The following CSGALNACT1 variants were observed in gnomAD, a reference collection of about 807,000 sequenced individuals.
The protein encoded by CSGALNACT1 is chondroitin sulfate N-acetylgalactosaminyltransferase 1.
In CSGALNACT1, 52 loss-of-function variants were observed where a neutral mutation model predicts 51.0. The observed-to-expected ratio is 1.02, with a 90% CI of 0.82 to 1.29. The LOEUF is 1.29. Among genes scored for constraint, CSGALNACT1 ranks in the 50% most tolerant of loss-of-function variants. CSGALNACT1 has a pLI of 0.00. For synonymous variants in CSGALNACT1, 341 were observed against 254.4 expected (o/e 1.34, Z -3.24); for missense variants, 935 against 679.2 (o/e 1.38, Z -4.19).
chr8:19,435,644 G>C (rs369053622), intron 6 of CSGALNACT1, among the ~76,000 whole-genome samples: 9 of 152,164 alleles, frequency 5.9e-5, no homozygotes, highest in East Asian at 5.8e-4. Context: ...CACTGATTCA[G>C]GATTTCTGGG....
At chr8:19,441,155 G>A (rs373904863) in intron 5 of CSGALNACT1, among the ~76,000 whole-genome samples, 15 of 152,130 alleles carry the variant, frequency 9.9e-5, no homozygotes, top group African/African-American at 3.4e-4. Flanking sequence ...AAGGTAATTT[G>A]TAGATTCAAT....
intron 3 of CSGALNACT1, among the ~76,000 whole-genome samples, chr8:19,556,939 C>T (rs954954691): frequency 2.7e-5 from 4 of 150,774 alleles, no homozygotes; most frequent in Admixed American, 6.6e-5. Context: ...TATAAACAAA[C>T]CACACCACTG....
intron 8 of CSGALNACT1, among the ~76,000 whole-genome samples, chr8:19,410,699 C>T (rs1376228499): frequency 1.3e-5 from 2 of 152,224 alleles, no homozygotes; most frequent in Admixed American, 6.5e-5. Flanking sequence ...TGGAGGCAGT[C>T]TGGCTTATGA....
At chr8:19,482,891 A>G (rs949677071) in intron 4 of CSGALNACT1, among the ~76,000 whole-genome samples, 12 of 151,994 alleles carry the variant, frequency 7.9e-5, no homozygotes, top group African/African-American at 2.7e-4. Context: ...CACCCCTACA[A>G]CTAAGCTGAT....
intron 3 of CSGALNACT1, among the ~76,000 whole-genome samples, chr8:19,511,107 G>A (rs752894950): frequency 6.6e-6 from 1 of 152,268 alleles, no homozygotes; most frequent in Non-Finnish European, 1.5e-5. Context: ...GCAGCAGGCA[G>A]AAAGGACAGT....
At position 19,407,008 on chromosome 8, in the gene CSGALNACT1, C is replaced by T. The variant is rs538058611; in HGVS notation, c.1310-939G>A. Among the ~76,000 whole-genome samples, 9 of 152,274 alleles carry T rather than the reference C, an allele frequency of 5.9e-5. No homozygotes were observed. In the East Asian group the frequency reaches 1.2e-3, roughly 20 times the overall value. On this transcript the variant is annotated intron_variant, in intron 9 of 9. Transcript: ENST00000454498. ...ACAGGCATGAGCCACCACGCTCGGCCTAGAAAATTTTTAAATGTCCTTTTT... is the reference window on the plus strand; with the variant it reads ...ACAGGCATGAGCCACCACGCTCGGCTTAGAAAATTTTTAAATGTCCTTTTT...
chr8:19,753,154 A>G (rs2065146419), intron 1 of CSGALNACT1, among the ~76,000 whole-genome samples: 1 of 152,212 alleles, frequency 6.6e-6, no homozygotes. Flanking sequence ...GGATAAGCCA[A>G]ACTCTTGCAG....
At chr8:19,553,179 T>C (rs955626105) in intron 3 of CSGALNACT1, among the ~76,000 whole-genome samples, 1 of 152,052 alleles carries the variant, frequency 6.6e-6, no homozygotes, top group African/African-American at 2.4e-5. Context: ...AAAACAAGTG[T>C]AAGATAATAC....
intron 5 of CSGALNACT1, among the ~76,000 whole-genome samples, chr8:19,451,729 C>A (rs923425511): frequency 6.6e-6 from 1 of 152,120 alleles, no homozygotes; most frequent in Non-Finnish European, 1.5e-5. Flanking sequence ...TCCAAGAAGA[C>A]ATATTTATTG....
intron 4 of CSGALNACT1, chr8:19,495,274 G>C (rs2075253164): frequency 6.6e-6 from 1 of 152,182 alleles, no homozygotes; most frequent in African/African-American, 2.4e-5. Flanking sequence ...TACAATGCCA[G>C]GAAATACAGG....
chr8:19,477,228 C>G (rs1319500413), intron 4 of CSGALNACT1, among the ~76,000 whole-genome samples: 1 of 152,174 alleles, frequency 6.6e-6, no homozygotes, highest in Non-Finnish European at 1.5e-5. Context: ...CCACTCCAGG[C>G]ATGCGCTGGA....
chr8:19,715,382 T>C (rs569961978), intron 1 of CSGALNACT1, among the ~76,000 whole-genome samples: 17 of 152,344 alleles, frequency 1.1e-4, no homozygotes, highest in African/African-American at 3.6e-4. Context: ...ATATGGGATT[T>C]GCTATTCTGT....
intron 1 of CSGALNACT1, among the ~76,000 whole-genome samples, chr8:19,709,092 T>C (rs1294392101): frequency 6.6e-6 from 1 of 152,194 alleles, no homozygotes; most frequent in East Asian, 1.9e-4. Flanking sequence ...CATTTGGAGA[T>C]GCTGAGGGCA....
rs562651726 is a variant in CSGALNACT1, at chr8:19,720,245, A to G, written c.-297+37605T>C. ...TTTCCATTACAGGCAGCCAAAGTCA[A>G]TCCCTAGTGATGTAGGGAGGCAGCG... On this transcript the variant is annotated intron_variant, in intron 1 of 1. Coordinates refer to the CSGALNACT1 transcript ENST00000517494. 2.0e-5 allele frequency among the ~76,000 whole-genome samples: 3 copies of G among 152,292 alleles called. No individual in the cohort carries two copies. In the South Asian group the frequency reaches 6.2e-4, roughly 32 times the overall value.
At chr8:19,636,148 T>C (rs1361044046) in intron 1 of CSGALNACT1, among the ~76,000 whole-genome samples, 1 of 148,180 alleles carries the variant, frequency 6.7e-6, no homozygotes, top group Non-Finnish European at 1.5e-5. Context: ...AGGTTAACCA[T>C]GGTCAGTAAA....
chr8:19,640,352 C>T (rs926811820), intron 1 of CSGALNACT1, among the ~76,000 whole-genome samples: 4 of 152,064 alleles, frequency 2.6e-5, no homozygotes, highest in African/African-American at 7.2e-5. Context: ...TGTAAATCTC[C>T]CAACTCTCAA....
intron 3 of CSGALNACT1, among the ~76,000 whole-genome samples, chr8:19,582,302 A>G (rs1468533993): frequency 1.3e-5 from 2 of 152,230 alleles, no homozygotes; most frequent in Non-Finnish European, 2.9e-5. Context: ...TGGTAAGGAA[A>G]AAATAAATCA....
intron 4 of CSGALNACT1, among the ~76,000 whole-genome samples, chr8:19,486,931 C>G (rs1004513141): frequency 6.6e-6 from 1 of 152,142 alleles, no homozygotes; most frequent in African/African-American, 2.4e-5. Flanking sequence ...AAAAGGTAAC[C>G]AAAAAGGCTG....
At chr8:19,457,968 C>T (rs545106648) in intron 5 of CSGALNACT1, among the ~76,000 whole-genome samples, 1 of 152,174 alleles carries the variant, frequency 6.6e-6, no homozygotes, top group Non-Finnish European at 1.5e-5. Flanking sequence ...ACCACTAGAA[C>T]AGGACAGCAG....
Sources: allele counts gnomAD v4.1 joint callset (sites outside exome capture counted in the v4.1 genomes callset), GRCh38; gene constraint gnomAD v4.1.1; transcripts MANE v1.5; gene names NCBI Gene and HGNC (gene_info 2026-07-23, HGNC 2026-07-21).